Variants in CTNNA1 observed in about 807,000 individuals in gnomAD.
CTNNA1 encodes catenin alpha-1.
A neutral mutation model predicts 98.4 loss-of-function variants in CTNNA1; 37 were observed. The observed-to-expected ratio is 0.38, with a 90% CI of 0.29 to 0.49. CTNNA1 has a LOEUF of 0.49. CTNNA1 is among the 20% of genes least tolerant of loss of function. CTNNA1 has a pLI of 0.95. For missense variants in CTNNA1, 761 were observed against 1,147.2 expected (o/e 0.66, Z 4.86); for synonymous variants, 404 against 413.2 (o/e 0.98, Z 0.27).
chr5:138,875,726 C>T, intron 7 of CTNNA1: 2 of 985,326 alleles, frequency 2.0e-6, no homozygotes, highest in Non-Finnish European at 2.4e-6. Context: ...GATTTAACAC[C>T]AGCCTATGCA....
intron 11 of CTNNA1, among the ~76,000 whole-genome samples, chr5:138,924,260 TTG>T (rs963794876): frequency 2.0e-5 from 3 of 151,534 alleles, no homozygotes; most frequent in African/African-American, 7.3e-5. Flanking sequence ...CCTGTTTTTT[TTG>T]TGTGTGTTTT....
intron 6 of CTNNA1, among the ~76,000 whole-genome samples, chr5:138,825,018 A>G (rs1399007745): frequency 6.6e-6 from 1 of 152,056 alleles, no homozygotes; most frequent in Admixed American, 6.6e-5. Flanking sequence ...AAACTTCTGG[A>G]TTCTTTTATG....
At chr5:138,800,802 TA>T (rs559443920) in intron 3 of CTNNA1, among the ~76,000 whole-genome samples, 34 of 145,318 alleles carry the variant, frequency 2.3e-4, no homozygotes, top group Non-Finnish European at 2.3e-4. Flanking sequence ...AAACTCCGTC[TA>T]AAAAAAAAAA....
intron 16 of CTNNA1, chr5:138,932,358 A>G (rs919562619): frequency 1.4e-6 from 2 of 1,388,194 alleles, no homozygotes; most frequent in African/African-American, 1.5e-5. Context: ...CATGCGGCGC[A>G]GTCAGGGTCC....
intron 1 of CTNNA1, among the ~76,000 whole-genome samples, chr5:138,757,433 C>T (rs1287119331): frequency 6.6e-6 from 1 of 152,136 alleles, no homozygotes; most frequent in Non-Finnish European, 1.5e-5. Flanking sequence ...CATGCCCCTG[C>T]ACTCCAGCCT....
At chr5:138,882,271 G>C (rs973019220) in intron 7 of CTNNA1, among the ~76,000 whole-genome samples, 1 of 152,196 alleles carries the variant, frequency 6.6e-6, no homozygotes, top group Non-Finnish European at 1.5e-5. Context: ...ACGATGGGTA[G>C]GAGTTGGAAG....
chr5:138,867,477 G>A (rs1459484887), intron 7 of CTNNA1, among the ~76,000 whole-genome samples: 1 of 152,190 alleles, frequency 6.6e-6, no homozygotes, highest in Non-Finnish European at 1.5e-5. Flanking sequence ...ATGTTTATCT[G>A]TAGCAAGCCA....
intron 5 of CTNNA1, among the ~76,000 whole-genome samples, chr5:138,818,267 CT>C (rs58648221): frequency 0.69 from 99,285 of 144,918 alleles, 33,721 homozygotes; most frequent in East Asian, 0.87. Flanking sequence ...CCATATCCAG[CT>C]TTTTTTTTTT....
chr5:138,926,504 C>G (rs1253526462), intron 13 of CTNNA1, among the ~76,000 whole-genome samples: 1 of 151,208 alleles, frequency 6.6e-6, no homozygotes, highest in Non-Finnish European at 1.5e-5. Context: ...TCCTGTTTGG[C>G]CCACTTGCCG....
chr5:138,925,307 C>G lies in CTNNA1; in HGVS notation c.1799C>G (p.Ser600Trp). 6.2e-7 allele frequency: 1 copy of G among 1,614,114 alleles called. No individual in the cohort carries two copies. Among genetic ancestry groups the G allele is most frequent in the East Asian group, 2.2e-5 (1 of 44,874 alleles). ...QVEAAVEALS[S>W]DPAQPMDENE... ...GAAGCAGCCGTGGAAGCCCTCAGCT[C>G]GGACCCTGCCCAGCCCATGGATGAG... Residue 600 changes from serine to tryptophan, a missense_variant, in exon 13 of 18, where the codon TCG becomes TGG. Around this residue, in one of 6 missense-constraint regions of CTNNA1, gnomAD observed 287 missense variants for 436.0 expected, o/e 0.66. Transcript: ENST00000302763.
At chr5:138,774,541 T>C (rs1227071985) in intron 1 of CTNNA1, among the ~76,000 whole-genome samples, 1 of 152,100 alleles carries the variant, frequency 6.6e-6, no homozygotes, top group Non-Finnish European at 1.5e-5. Context: ...TGGCTCCTCC[T>C]AGTGGTCCCT....
intron 5 of CTNNA1, among the ~76,000 whole-genome samples, chr5:138,823,764 C>T (rs944272679): frequency 2.0e-5 from 3 of 151,260 alleles, no homozygotes; most frequent in Non-Finnish European, 4.4e-5. Flanking sequence ...GAGGCCATCC[C>T]GGCTAAAACG....
chr5:138,785,742 G>A (rs1024631842), intron 3 of CTNNA1, among the ~76,000 whole-genome samples: 1 of 151,980 alleles, frequency 6.6e-6, no homozygotes, highest in African/African-American at 2.4e-5. Flanking sequence ...TGTATTTTTA[G>A]TATAGTATAG....
intron 7 of CTNNA1, among the ~76,000 whole-genome samples, chr5:138,865,256 A>G (rs1764651587): frequency 6.6e-6 from 1 of 152,172 alleles, no homozygotes; most frequent in Non-Finnish European, 1.5e-5. Context: ...CCAGCTGCTG[A>G]AAGTGCTTGG....
At chr5:138,886,370 G>T (rs923782203) in intron 8 of CTNNA1, 78 bp downstream of exon 8, 10 of 1,411,612 alleles carry the variant, frequency 7.1e-6, no homozygotes, top group Non-Finnish European at 9.6e-6. Context: ...ATAAGCACTG[G>T]CCTTATATTT....
intron 13 of CTNNA1, among the ~76,000 whole-genome samples, chr5:138,927,249 C>T (rs558043155): frequency 2.0e-5 from 3 of 152,304 alleles, no homozygotes; most frequent in Admixed American, 6.5e-5. Flanking sequence ...CTCCACAGGC[C>T]GCCACGTCAC....
chr5:138,821,507 C>G (rs1452721328), intron 5 of CTNNA1, among the ~76,000 whole-genome samples: 2 of 152,072 alleles, frequency 1.3e-5, no homozygotes, highest in African/African-American at 4.8e-5. Flanking sequence ...ATACTTTGGA[C>G]TGGTTGGATT....
intron 7 of CTNNA1, among the ~76,000 whole-genome samples, chr5:138,857,597 G>A (rs1763846024): frequency 6.6e-6 from 1 of 152,022 alleles, no homozygotes; most frequent in African/African-American, 2.4e-5. Flanking sequence ...CATTACAGAT[G>A]TGAGCCTACC....
intron 7 of CTNNA1, chr5:138,869,338 T>C (rs1288289673): frequency 1.3e-5 from 2 of 151,938 alleles, no homozygotes; most frequent in African/African-American, 4.8e-5. Flanking sequence ...TAGAGAAATA[T>C]TTAATTATCT....
Sources: allele counts gnomAD v4.1 joint callset (sites outside exome capture counted in the v4.1 genomes callset), GRCh38; gene constraint gnomAD v4.1.1; regional missense constraint gnomAD v4.1.1; transcripts MANE v1.5; gene names NCBI Gene and HGNC (gene_info 2026-07-23, HGNC 2026-07-21).